The following HMCN1 variants were observed in gnomAD, a reference collection of about 807,000 sequenced individuals.
HMCN1 encodes hemicentin-1.
Under a neutral mutation model 625.9 loss-of-function variants are expected in HMCN1, and 321 were observed. The ratio of observed to expected loss-of-function variants is 0.51; its 90% CI spans 0.47 to 0.56. The LOEUF (loss-of-function observed/expected upper bound fraction) is 0.56. Ranked by LOEUF, HMCN1 falls within the 20% of genes least tolerant of loss-of-function variation. The pLI, the probability that HMCN1 is intolerant of heterozygous loss-of-function variation, is 0.00. For synonymous variants in HMCN1, 2,425 were observed against 2,417.6 expected, an observed-to-expected ratio of 1.00 and a Z score of -0.09; for missense variants, 6,588 against 6,887.3, an observed-to-expected ratio of 0.96 and a Z score of 1.54.
At chr1:186,173,631 A>G (rs924435561) in intron 102 of HMCN1, among the ~76,000 whole-genome samples, 3 of 133,292 alleles carry the variant, frequency 2.3e-5, no homozygotes, top group African/African-American at 9.0e-5. Context: ...ACAGAGCGAG[A>G]CTCCATCTCA....
chr1:186,096,557 C>A (rs115160822), intron 68 of HMCN1, among the ~76,000 whole-genome samples: 270 of 151,994 alleles, frequency 1.8e-3, no homozygotes, highest in African/African-American at 6.2e-3. Context: ...GAATGGAGGC[C>A]GGTAGTAAAG....
At chr1:186,122,919 AG>A in intron 80 of HMCN1, 31 bp from the exon 81 acceptor site, 1 of 1,608,266 alleles carries the variant, frequency 6.2e-7, no homozygotes, top group South Asian at 1.1e-5. Context: ...TCTAAGATAA[AG>A]TTTGAACTTT....
In HMCN1 at chr1:186,123,779, C is replaced by T. The variant is rs372071980; in HGVS notation, c.12499+559C>T. The stretch of plus-strand genomic sequence containing the variant: ...ATATTTTGACTAAGGATAGAATCCA[C>T]GTTAATATCAGTGGTGGGAAACAAT... On this transcript the variant is annotated intron_variant, in intron 81 of 106. Transcript: ENST00000271588. 3.3e-3 allele frequency among the ~76,000 whole-genome samples: 500 copies of T among 152,158 alleles called. 7 individuals carry two copies. Among genetic ancestry groups the T allele is most frequent in the South Asian group, 0.032 (152 of 4,820 alleles).
Position 185,909,384 on chromosome 1 carries a change from T to G in HMCN1, c.669T>G (p.Leu223=). The stretch of plus-strand genomic sequence containing the variant: ...CAGTACAGGCCTCCAAAGTTCACCT[T>G]TTATCCACAGATCATTTGGAACAGG... The part of the protein sequence containing the change: ...EEAVQASKVH[L]LSTDHLEQAV... Residue 223 remains leucine (L), a synonymous_variant, in exon 5 of 107, where the codon CTT becomes CTG. Coordinates refer to ENST00000271588, the MANE Select transcript of HMCN1 (RefSeq NM_031935.3). The G allele has an allele frequency of 6.2e-7, 1 of 1,613,374 alleles. No individual in the cohort carries two copies. Among genetic ancestry groups the G allele is most frequent in the South Asian group, 1.1e-5 (1 of 91,078 alleles).
At chr1:186,125,387 A>T (rs1052108971) in intron 81 of HMCN1, among the ~76,000 whole-genome samples, 1 of 152,178 alleles carries the variant, frequency 6.6e-6, no homozygotes, top group African/African-American at 2.4e-5. Flanking sequence ...AAACGTAAAT[A>T]TATTCAGTAA....
intron 4 of HMCN1, among the ~76,000 whole-genome samples, chr1:185,886,258 C>G (rs767361346): frequency 6.7e-6 from 1 of 149,890 alleles, no homozygotes; most frequent in Non-Finnish European, 1.5e-5. Flanking sequence ...AACAGAGAAA[C>G]AGAGAGACAG....
At chr1:186,042,778 A>G (rs1311402458) in intron 40 of HMCN1, among the ~76,000 whole-genome samples, 1 of 152,178 alleles carries the variant, frequency 6.6e-6, no homozygotes, top group East Asian at 1.9e-4. Context: ...TATTATTTGC[A>G]TAAATTATAT....
At chr1:185,828,272 T>C (rs1022532853) in intron 1 of HMCN1, among the ~76,000 whole-genome samples, 2 of 151,974 alleles carry the variant, frequency 1.3e-5, no homozygotes, top group Admixed American at 6.6e-5. Context: ...GGAAAGAAAG[T>C]GGAAGCATAG....
At chr1:186,139,284 G>A (rs940555328) in intron 89 of HMCN1, among the ~76,000 whole-genome samples, 4 of 152,074 alleles carry the variant, frequency 2.6e-5, no homozygotes, top group South Asian at 2.1e-4. Flanking sequence ...TTTGCAATTC[G>A]GAACTTTGAT....
At chr1:185,947,608 T>C (rs2102524200) in intron 11 of HMCN1, among the ~76,000 whole-genome samples, 1 of 152,338 alleles carries the variant, frequency 6.6e-6, no homozygotes. Flanking sequence ...ATGTCACATC[T>C]GATTCCATTT....
chr1:186,116,895 T>G (rs911904089), intron 75 of HMCN1, 99 bp from the exon 76 acceptor site: 2 of 1,333,616 alleles, frequency 1.5e-6, no homozygotes, highest in East Asian at 2.3e-5. Context: ...GGAAGAGTAC[T>G]GTTTTCATCA....
intron 1 of HMCN1, among the ~76,000 whole-genome samples, chr1:185,752,384 A>G (rs1414836214): frequency 6.6e-6 from 1 of 152,172 alleles, no homozygotes; most frequent in African/African-American, 2.4e-5. Context: ...TAACACTTTA[A>G]TAGTCAAATC....
intron 4 of HMCN1, among the ~76,000 whole-genome samples, chr1:185,881,119 C>G (rs1374765560): frequency 6.6e-6 from 1 of 152,192 alleles, no homozygotes; most frequent in African/African-American, 2.4e-5. Flanking sequence ...GGGCCCTATG[C>G]CATTTTGCAT....
At chr1:186,015,089 A>G (rs903112722) in intron 30 of HMCN1, 70 bp from the exon 31 acceptor site, 1 of 1,342,234 alleles carries the variant, frequency 7.5e-7, no homozygotes, top group Non-Finnish European at 1.1e-6. Flanking sequence ...TTAAACATCT[A>G]TAGCATTTAA....
At chr1:186,171,678 A>G (rs1274972519) in intron 101 of HMCN1, among the ~76,000 whole-genome samples, 1 of 152,252 alleles carries the variant, frequency 6.6e-6, no homozygotes, top group East Asian at 1.9e-4. Context: ...TATTTTTGCA[A>G]AAGTATATCT....
chr1:185,805,162 G>A (rs551626243), intron 1 of HMCN1, among the ~76,000 whole-genome samples: 13 of 152,226 alleles, frequency 8.5e-5, no homozygotes, highest in African/African-American at 3.1e-4. Context: ...TACACTGGGA[G>A]CATGAGAAAA....
Position 185,977,813 on chromosome 1 carries a change from G to C in HMCN1, c.2398G>C (p.Ala800Pro). 1.9e-6 allele frequency: 3 copies of C among 1,612,918 alleles called. No homozygotes were observed. The highest frequency in any genetic ancestry group is 2.5e-6 in the Non-Finnish European group (3 of 1,179,176). ...ACCTCCAGTTTTCATACAAGAACCT[G>C]CTGATGTGTCTATGGAAATTGGCTC... ...GSPPVFIQEP[A>P]DVSMEIGSNV... The change falls in exon 16 of 107, where the codon GCT (alanine) becomes CCT (proline). Residue 800 changes from alanine to proline, a missense_variant. This residue lies in a region of HMCN1 where 4,628 missense variants were observed against 4,853.1 expected (regional missense o/e 0.95). Coordinates refer to ENST00000271588, the MANE Select transcript of HMCN1 (RefSeq NM_031935.3).
chr1:185,984,756 A>G (rs1651897683), intron 19 of HMCN1, among the ~76,000 whole-genome samples: 2 of 152,068 alleles, frequency 1.3e-5, no homozygotes, highest in South Asian at 2.1e-4. Context: ...ATGTGCTCCA[A>G]ACAATCTTCT....
chr1:185,772,235 T>A (rs144577683), intron 1 of HMCN1, among the ~76,000 whole-genome samples: 1 of 152,122 alleles, frequency 6.6e-6, no homozygotes, highest in Non-Finnish European at 1.5e-5. Flanking sequence ...CTGTGAGTGA[T>A]GAAGAACCAT....
Sources: allele counts gnomAD v4.1 joint callset (sites outside exome capture counted in the v4.1 genomes callset), GRCh38; gene constraint gnomAD v4.1.1; regional missense constraint gnomAD v4.1.1; transcripts MANE v1.5; gene names NCBI Gene and HGNC (gene_info 2026-07-23, HGNC 2026-07-21).